INPP5F: variants seen among roughly 807,000 people sequenced by gnomAD.
INPP5F encodes inositol polyphosphate-5-phosphatase F, also known as phosphatidylinositide 4-phosphatase SAC2.
Under a neutral mutation model 137.2 loss-of-function variants are expected in INPP5F, and 97 were observed. That is an observed-to-expected ratio of 0.71 (90% CI 0.60 to 0.84). The LOEUF (loss-of-function observed/expected upper bound fraction) is 0.84. Ranked by LOEUF, INPP5F falls within the 40% of genes least tolerant of loss-of-function variation. The pLI, the probability that INPP5F is intolerant of heterozygous loss-of-function variation, is 0.00. For synonymous variants in INPP5F, 504 were observed against 476.9 expected (o/e 1.06, Z -0.74); for missense variants, 1,271 against 1,371.9 (o/e 0.93, Z 1.16).
intron 2 of INPP5F, among the ~76,000 whole-genome samples, chr10:119,759,879 G>C (rs1589685679): frequency 6.6e-6 from 1 of 151,932 alleles, no homozygotes; most frequent in Non-Finnish European, 1.5e-5. Context: ...TGAGTGCTTC[G>C]TCCTTCTCTC....
intron 12 of INPP5F, among the ~76,000 whole-genome samples, chr10:119,807,071 G>C (rs1416463330): frequency 2.6e-5 from 4 of 152,002 alleles, no homozygotes; most frequent in Non-Finnish European, 5.9e-5. Flanking sequence ...AGGAGTTTGA[G>C]ACCAGCCTGG....
chr10:119,737,932 C>CT (rs1313978339), intron 1 of INPP5F, among the ~76,000 whole-genome samples: 1 of 151,946 alleles, frequency 6.6e-6, no homozygotes, highest in Admixed American at 6.6e-5. Flanking sequence ...GTGAAAGTGC[C>CT]TATAGGCTTC....
chr10:119,804,146 A>C, intron 9 of INPP5F, 27 bp from the exon 10 acceptor site: 1 of 1,535,432 alleles, frequency 6.5e-7, no homozygotes, highest in Middle Eastern at 1.7e-4. Flanking sequence ...ATCTAACTAA[A>C]TTTTTTCTGT....
In INPP5F at chr10:119,791,967, C is replaced by T. The variant is rs753132517; in HGVS notation, c.543C>T (p.Thr181=). The T allele has an allele frequency of 6.2e-7, 1 of 1,614,200 alleles. No individual in the cohort carries two copies. The highest frequency in any genetic ancestry group is 1.1e-5 in the South Asian group (1 of 91,086). ...CAGAATCCTTTTATTATAGCTTGACCTATGACCTGACCAATTCCGTGCAGA... is the reference window on the plus strand; with the variant it reads ...CAGAATCCTTTTATTATAGCTTGACTTATGACCTGACCAATTCCGTGCAGA... ...MDSESFYYSL[T]YDLTNSVQRQ... Residue 181 remains threonine (T), a synonymous_variant, in exon 5 of 20, where the codon ACC becomes ACT. Transcript: ENST00000650623.
intron 15 of INPP5F, among the ~76,000 whole-genome samples, chr10:119,818,453 T>C (rs1851380101): frequency 6.6e-6 from 1 of 152,328 alleles, no homozygotes; most frequent in East Asian, 1.9e-4. Context: ...CTCGGTGCAG[T>C]ACCCTCGCCC....
chr10:119,794,549 G>A (rs954378202), intron 6 of INPP5F, among the ~76,000 whole-genome samples: 35 of 151,864 alleles, frequency 2.3e-4, no homozygotes, highest in African/African-American at 4.1e-4. Context: ...CCTCCCAGAC[G>A]GGGTGGTGGC....
intron 2 of INPP5F, among the ~76,000 whole-genome samples, chr10:119,770,549 C>G (rs750669903): frequency 6.6e-6 from 1 of 152,180 alleles, no homozygotes; most frequent in East Asian, 1.9e-4. Context: ...TGCCGGACAT[C>G]TCAGGCTTTT....
At chr10:119,791,712 C>G in intron 4 of INPP5F, 67 bp downstream of exon 4, 11 of 1,434,796 alleles carry the variant, frequency 7.7e-6, no homozygotes, top group Non-Finnish European at 1.1e-5. Context: ...AGATAATTCT[C>G]CACTCAGAAA....
intron 1 of INPP5F, among the ~76,000 whole-genome samples, chr10:119,729,154 G>T (rs549926262): frequency 1.3e-5 from 2 of 152,156 alleles, no homozygotes; most frequent in Non-Finnish European, 2.9e-5. Context: ...GGAAAGGGCG[G>T]GGCGGGCAGT....
chr10:119,819,784 C>G, intron 15 of INPP5F: 1 of 339,958 alleles, frequency 2.9e-6, no homozygotes. Context: ...CTGTTGGACT[C>G]AAGCTACAAC....
Position 119,822,414 on chromosome 10 carries a change from C to A in INPP5F, c.1959-17C>A, listed in dbSNP as rs769258905. ...TTTGATTTAAATCCTCTTTTAACTT[C>A]ATTTCCTTTTATCTAGTTATGATGA... is the stretch of plus-strand genomic sequence containing the variant. On this transcript the variant is annotated splice_polypyrimidine_tract_variant and intron_variant, in intron 16 of 19. Coordinates refer to ENST00000650623, the MANE Select transcript of INPP5F (RefSeq NM_014937.4). The A allele has an allele frequency of 3.7e-6, 5 of 1,361,512 alleles. No individual in the cohort carries two copies. The South Asian group carries it at 6.7e-5, about 18-fold the overall frequency. The allele number at this position is 1,361,512 out of a possible 1,614,324, so 84.3% of individuals were successfully genotyped here. A position where few individuals can be genotyped will look rare whatever the true frequency, so the allele number is the denominator to read the frequency against.
Position 119,748,046 on chromosome 10 carries a change from G to A in INPP5F, c.98-3030G>A, listed in dbSNP as rs1334113873. On this transcript the variant is annotated intron_variant, in intron 1 of 19. Transcript: ENST00000650623. This position sits in a 1 kb window ranked among gnomAD's most constrained non-coding sequence, Gnocchi z 4.7. ...CCACTGTCTTGGCTCGGCAAGCTGTGCTGGGCTTGCACTACCAGCCCGGAT... is the reference window on the plus strand; with the variant it reads ...CCACTGTCTTGGCTCGGCAAGCTGTACTGGGCTTGCACTACCAGCCCGGAT... Among the ~76,000 whole-genome samples, 1 of 152,194 alleles carries A rather than the reference G, an allele frequency of 6.6e-6. No homozygotes were observed. Among genetic ancestry groups the A allele is most frequent in the Non-Finnish European group, 1.5e-5 (1 of 68,026 alleles).
chr10:119,727,509 G>A (rs535963676), intron 1 of INPP5F, among the ~76,000 whole-genome samples: 1 of 152,212 alleles, frequency 6.6e-6, no homozygotes, highest in African/African-American at 2.4e-5. Flanking sequence ...TAACTCGTTC[G>A]GGGTCACAGC....
rs570577086 is a variant in INPP5F at position 119,745,368 on chromosome 10, G to C, written c.98-5708G>C. On this transcript the variant is annotated intron_variant, in intron 1 of 19. Transcript: ENST00000650623. ...TGTTATTTTTTCTTTTTTTTTTCTC[G>C]ATCTCTTTTTTTCCATGACCTTTCA... is the stretch of plus-strand genomic sequence containing the variant. Among the ~76,000 whole-genome samples, 11 of 141,408 alleles carry C rather than the reference G, an allele frequency of 7.8e-5. No homozygotes were observed. The South Asian group carries it at 2.5e-3, about 32-fold the overall frequency. The allele number at this position is 141,408 out of a possible 152,430, so 92.8% of individuals were successfully genotyped here.
Position 119,804,230 on chromosome 10 carries a change from C to A in INPP5F, c.1174C>A (p.Leu392Met). 1.9e-6 allele frequency: 3 copies of A among 1,611,544 alleles called. No individual in the cohort carries two copies. Among genetic ancestry groups the A allele is most frequent in the Non-Finnish European group, 2.5e-6 (3 of 1,178,132 alleles). Residue 392 changes from leucine to methionine, a missense_variant, in exon 10 of 20, where the codon CTG becomes ATG. Physicochemically the swap from Leu to Met is conservative, Grantham distance 15 (BLOSUM62 2). This residue lies in a region of INPP5F where 593 missense variants were observed against 712.4 expected (regional missense o/e 0.83). Transcript: ENST00000650623. ...AGAGAAGATTATTGGCGATGCTTAC[C>A]TGAAGCAAGTGTTGCTTTTCAACAA... ...GREKIIGDAY[L>M]KQVLLFNNSH...
chr10:119,808,900 T>C lies in INPP5F; in HGVS notation c.1569+840T>C, dbSNP rs551148525. 1.4e-4 allele frequency among the ~76,000 whole-genome samples: 22 copies of C among 152,286 alleles called. No homozygotes were observed. The South Asian group carries it at 3.5e-3, about 24-fold the overall frequency. ...CATTGAGTGATAAATATCAAAAGCTTTTTATTAATTACAGAAAGTAAACTT... is the reference window on the plus strand; with the variant it reads ...CATTGAGTGATAAATATCAAAAGCTCTTTATTAATTACAGAAAGTAAACTT... On this transcript the variant is annotated intron_variant, in intron 13 of 19. Coordinates refer to ENST00000650623, the MANE Select transcript of INPP5F (RefSeq NM_014937.4).
intron 6 of INPP5F, among the ~76,000 whole-genome samples, chr10:119,793,289 A>T (rs1850212337): frequency 6.6e-6 from 1 of 152,220 alleles, no homozygotes; most frequent in Non-Finnish European, 1.5e-5. Flanking sequence ...TTATTGCTAG[A>T]ACAGAAATAC....
intron 3 of INPP5F, among the ~76,000 whole-genome samples, chr10:119,789,528 T>C (rs1328415575): frequency 6.7e-6 from 1 of 150,128 alleles, no homozygotes; most frequent in African/African-American, 2.5e-5. Flanking sequence ...AGAAGGGGAG[T>C]GATGGTCGTG....
chr10:119,773,371 T>G (rs1407447403), intron 2 of INPP5F, among the ~76,000 whole-genome samples: 1 of 152,190 alleles, frequency 6.6e-6, no homozygotes, highest in Non-Finnish European at 1.5e-5. Flanking sequence ...TTTCAAATTT[T>G]AGTTTCGGGG....
Sources: gnomAD v4.1 joint callset for allele counts (sites outside exome capture counted in the v4.1 genomes callset) on GRCh38, gnomAD v4.1.1 for gene constraint, gnomAD v4.1.1 regional missense constraint, Gnocchi (gnomAD v3.1) non-coding constraint, MANE v1.5 for transcripts, NCBI Gene and HGNC (gene_info 2026-07-23, HGNC 2026-07-21) for gene names.